Variants in CDIN1 observed in about 807,000 individuals in gnomAD.
CDIN1 encodes the protein CDAN1-interacting nuclease 1.
Under a neutral mutation model 45.3 loss-of-function variants are expected in CDIN1, and 33 were observed. The ratio of observed to expected loss-of-function variants is 0.73; its 90% CI spans 0.55 to 0.97. The LOEUF is 0.97. Among genes scored for constraint, CDIN1 ranks in the 50% least tolerant of loss-of-function variants. The pLI is 0.00. For synonymous variants in CDIN1, 118 were observed against 124.4 expected (o/e 0.95, Z 0.34); for missense variants, 303 against 339.4 (o/e 0.89, Z 0.84).
intron 1 of CDIN1, among the ~76,000 whole-genome samples, chr15:36,631,440 C>A (rs1050343678): frequency 2.6e-5 from 4 of 152,218 alleles, no homozygotes; most frequent in Non-Finnish European, 4.4e-5. Flanking sequence ...TCCCTGACAA[C>A]TACTAATCTG....
intron 1 of CDIN1, among the ~76,000 whole-genome samples, chr15:36,615,049 C>A (rs1455054902): frequency 6.6e-6 from 1 of 152,180 alleles, no homozygotes; most frequent in Non-Finnish European, 1.5e-5. Flanking sequence ...ATCTCATTAC[C>A]CTTTTCTGGG....
At chr15:36,785,086 C>G (rs774903380) in intron 10 of CDIN1, among the ~76,000 whole-genome samples, 15 of 152,108 alleles carry the variant, frequency 9.9e-5, no homozygotes, top group Non-Finnish European at 1.3e-4. Context: ...TACAGAGTCA[C>G]CAAAAAGGGC....
chr15:36,774,161 T>TGTGTGCGC (rs1555407071), intron 10 of CDIN1, among the ~76,000 whole-genome samples: 1 of 50,622 alleles, frequency 2.0e-5, no homozygotes, highest in African/African-American at 4.1e-5. Flanking sequence ...TGTGTGTGTG[T>TGTGTGCGC]GTGCGCGCGC....
intron 10 of CDIN1, among the ~76,000 whole-genome samples, chr15:36,720,049 G>A (rs1255231457): frequency 1.7e-5 from 2 of 115,512 alleles, no homozygotes; most frequent in African/African-American, 3.5e-5. Flanking sequence ...TCTTCTAAAC[G>A]AACCATTTTT....
At chr15:36,585,332 T>C (rs1485246375) in intron 1 of CDIN1, among the ~76,000 whole-genome samples, 1 of 152,250 alleles carries the variant, frequency 6.6e-6, no homozygotes, top group African/African-American at 2.4e-5. Flanking sequence ...GTTTTTTCAC[T>C]GATGTCCCTT....
At chr15:36,753,711 A>G (rs2053535319) in intron 10 of CDIN1, among the ~76,000 whole-genome samples, 1 of 152,086 alleles carries the variant, frequency 6.6e-6, no homozygotes. Flanking sequence ...TCTGCCTGAA[A>G]AGACTTTTAG....
chr15:36,594,418 C>T (rs1419321822), intron 1 of CDIN1, among the ~76,000 whole-genome samples: 1 of 152,108 alleles, frequency 6.6e-6, no homozygotes, highest in African/African-American at 2.4e-5. Flanking sequence ...GGAAACAAGA[C>T]TTGGTTAGTT....
At chr15:36,589,492 A>T (rs1017924788) in intron 1 of CDIN1, among the ~76,000 whole-genome samples, 2 of 143,708 alleles carry the variant, frequency 1.4e-5, no homozygotes, top group African/African-American at 5.2e-5. Flanking sequence ...ACTGAATGAC[A>T]GTTCTCCATT....
intron 10 of CDIN1, among the ~76,000 whole-genome samples, chr15:36,725,420 T>C (rs1171272192): frequency 6.6e-6 from 1 of 151,974 alleles, no homozygotes; most frequent in Non-Finnish European, 1.5e-5. Context: ...ATGACAAATG[T>C]GAATGGAGAT....
chr15:36,722,974 TGTGTGTGTGTG>T, intron 10 of CDIN1, among the ~76,000 whole-genome samples: 1 of 131,472 alleles, frequency 7.6e-6, no homozygotes, highest in Non-Finnish European at 1.6e-5. Context: ...TGTGTGTGTG[TGTGTGTGTGTG>T]TTTCTCTCTC....
intron 1 of CDIN1, among the ~76,000 whole-genome samples, chr15:36,620,295 G>A (rs957186045): frequency 6.6e-6 from 1 of 152,026 alleles, no homozygotes; most frequent in Non-Finnish European, 1.5e-5. Flanking sequence ...AGCTTGCAGT[G>A]AGCCGAGATG....
At chr15:36,728,271 G>C (rs898596256) in intron 10 of CDIN1, among the ~76,000 whole-genome samples, 20 of 152,168 alleles carry the variant, frequency 1.3e-4, no homozygotes, top group African/African-American at 4.6e-4. Flanking sequence ...TTAGAAGTGG[G>C]CTTCTCCCAC....
At chr15:36,752,117 AC>A (rs1342827419) in intron 10 of CDIN1, among the ~76,000 whole-genome samples, 1 of 152,174 alleles carries the variant, frequency 6.6e-6, no homozygotes, top group African/African-American at 2.4e-5. Context: ...TATGTAACAA[AC>A]CTGCACATCC....
At chr15:36,669,072 C>T (rs778355265) in intron 5 of CDIN1, 5 of 152,002 alleles carry the variant, frequency 3.3e-5, no homozygotes, top group Non-Finnish European at 7.4e-5. Context: ...TTTCGGAAAC[C>T]TCTTGAAATA....
At chr15:36,624,249 G>A (rs1485082030) in intron 1 of CDIN1, among the ~76,000 whole-genome samples, 2 of 152,158 alleles carry the variant, frequency 1.3e-5, no homozygotes, top group East Asian at 3.8e-4. Flanking sequence ...AACAGGGAAG[G>A]CATTTGTAGC....
At chr15:36,633,784 G>C (rs921786340) in intron 1 of CDIN1, among the ~76,000 whole-genome samples, 2 of 143,426 alleles carry the variant, frequency 1.4e-5, no homozygotes, top group African/African-American at 5.2e-5. Context: ...CTGAGACAGA[G>C]TCTCACTCTG....
chr15:36,743,358 T>G (rs938973470), intron 10 of CDIN1, among the ~76,000 whole-genome samples: 1 of 152,330 alleles, frequency 6.6e-6, no homozygotes, highest in South Asian at 2.1e-4. Flanking sequence ...GTGCTTAGCC[T>G]AAACATAACC....
At chr15:36,621,306 A>G (rs571131742) in intron 1 of CDIN1, among the ~76,000 whole-genome samples, 85 of 152,238 alleles carry the variant, frequency 5.6e-4, no homozygotes, top group African/African-American at 2.0e-3. Flanking sequence ...TCACCTTCCA[A>G]CTCTAAGTTA....
intron 10 of CDIN1, among the ~76,000 whole-genome samples, chr15:36,763,808 C>T (rs1038858117): frequency 1.3e-5 from 2 of 152,146 alleles, no homozygotes; most frequent in African/African-American, 2.4e-5. Flanking sequence ...CACCTAAAAC[C>T]TGTTTATTCC....
Sources: allele counts gnomAD v4.1 joint callset (sites outside exome capture counted in the v4.1 genomes callset), GRCh38; gene constraint gnomAD v4.1.1; transcripts MANE v1.5; gene names NCBI Gene and HGNC (gene_info 2026-07-23, HGNC 2026-07-21).